STAM: variants seen among roughly 807,000 people sequenced by gnomAD.
STAM encodes signal transducing adapter molecule 1.
STAM carries 16 observed loss-of-function variants against 63.4 expected under a neutral mutation model. That is an observed-to-expected ratio of 0.25 (90% CI 0.17 to 0.38). The LOEUF is 0.38. STAM is among the 10% of genes least tolerant of loss of function. STAM has a pLI of 1.00. For missense variants in STAM, 636 were observed against 657.1 expected, an observed-to-expected ratio of 0.97 and a Z score of 0.35; for synonymous variants, 238 against 223.9, an observed-to-expected ratio of 1.06 and a Z score of -0.56.
At chr10:17,675,140 G>A (rs989203735) in intron 2 of STAM, among the ~76,000 whole-genome samples, 4 of 152,116 alleles carry the variant, frequency 2.6e-5, no homozygotes, top group East Asian at 3.9e-4. Context: ...CCTTTTCATC[G>A]CTTGGTTTTA....
chr10:17,691,627 C>A (rs1387552536), intron 5 of STAM, among the ~76,000 whole-genome samples: 1 of 152,142 alleles, frequency 6.6e-6, no homozygotes, highest in African/African-American at 2.4e-5. Context: ...TCCTTTCATA[C>A]CCTCAACAAA....
At chr10:17,658,289 C>T (rs1834023681) in intron 1 of STAM, among the ~76,000 whole-genome samples, 1 of 151,794 alleles carries the variant, frequency 6.6e-6, no homozygotes, top group South Asian at 2.1e-4. Context: ...TAGTTTATTC[C>T]ATTGTAATCA....
chr10:17,678,371 C>T (rs1439638686), intron 2 of STAM, among the ~76,000 whole-genome samples: 2 of 152,052 alleles, frequency 1.3e-5, no homozygotes, highest in African/African-American at 4.8e-5. Context: ...TCTCCTGCCT[C>T]AGCCTCCTGG....
chr10:17,651,921 T>C (rs1554821606), intron 1 of STAM, among the ~76,000 whole-genome samples: 2 of 152,204 alleles, frequency 1.3e-5, no homozygotes, highest in Admixed American at 1.3e-4. Context: ...GTGATAAATT[T>C]TGAGAAAAAT....
chr10:17,657,685 A>G (rs190450454), intron 1 of STAM, among the ~76,000 whole-genome samples: 221 of 152,282 alleles, frequency 1.5e-3, no homozygotes, highest in African/African-American at 5.1e-3. Flanking sequence ...TATGTATTTC[A>G]GCAGATTATG....
chr10:17,686,464 C>T (rs183550401), intron 4 of STAM, among the ~76,000 whole-genome samples: 1 of 151,432 alleles, frequency 6.6e-6, no homozygotes, highest in Non-Finnish European at 1.5e-5. Context: ...ATAGCCTCTG[C>T]CTCCCGGGTT....
chr10:17,656,494 C>T (rs1410750708), intron 1 of STAM, among the ~76,000 whole-genome samples: 3 of 152,036 alleles, frequency 2.0e-5, no homozygotes, highest in Non-Finnish European at 2.9e-5. Context: ...ATATTACTGT[C>T]TTTAGGTCTT....
chr10:17,684,410 T>G (rs1835210434), intron 2 of STAM, among the ~76,000 whole-genome samples: 1 of 152,062 alleles, frequency 6.6e-6, no homozygotes, highest in African/African-American at 2.4e-5. Context: ...GCCTACCATT[T>G]TATTTTCAAA....
rs149990053 is a variant in STAM, at chr10:17,665,766, G to A, written c.125+5218G>A. On this transcript the variant is annotated intron_variant, in intron 2 of 13. Coordinates refer to ENST00000377524, the MANE Select transcript of STAM (RefSeq NM_003473.4). ...TGTAATCCCTGTTTACTTCATTTAA[G>A]TTGTAGTTTCTTTTTAAATCTTGAA... 2.1e-3 allele frequency among the ~76,000 whole-genome samples: 314 copies of A among 150,930 alleles called. 2 individuals carry two copies. Among genetic ancestry groups the A allele is most frequent in the Middle Eastern group, 6.8e-3 (2 of 292 alleles).
At chr10:17,661,646 C>T (rs1403630080) in intron 2 of STAM, among the ~76,000 whole-genome samples, 1 of 152,172 alleles carries the variant, frequency 6.6e-6, no homozygotes, top group Non-Finnish European at 1.5e-5. Context: ...TTTTCCATTT[C>T]TATTAATGAC....
intron 2 of STAM, among the ~76,000 whole-genome samples, chr10:17,682,674 C>T (rs1174471429): frequency 2.0e-5 from 3 of 151,788 alleles, no homozygotes; most frequent in African/African-American, 7.3e-5. Context: ...GAATGTAGTC[C>T]ATTTTGTTGA....
chr10:17,706,605 T>C (rs1252641263), intron 12 of STAM, among the ~76,000 whole-genome samples: 3 of 152,040 alleles, frequency 2.0e-5, no homozygotes, highest in African/African-American at 2.4e-5. Flanking sequence ...GGCCTTGATC[T>C]CCTGACCTCG....
chr10:17,661,469 C>T (rs1157949467), intron 2 of STAM, among the ~76,000 whole-genome samples: 2 of 152,140 alleles, frequency 1.3e-5, no homozygotes, highest in Non-Finnish European at 2.9e-5. Context: ...TCACAACTTC[C>T]AGCTGTCTTT....
chr10:17,663,567 T>C (rs1834260630), intron 2 of STAM, among the ~76,000 whole-genome samples: 1 of 152,094 alleles, frequency 6.6e-6, no homozygotes, highest in East Asian at 1.9e-4. Context: ...TTTCTTCTTT[T>C]TTCTTCCCAC....
Position 17,715,270 on chromosome 10 carries a change from T to C in STAM, c.*490T>C, listed in dbSNP as rs1836767170. On this transcript the variant is annotated 3_prime_UTR_variant, in exon 14 of 14. Transcript: ENST00000377524. The stretch of plus-strand genomic sequence containing the variant: ...TTGTGTAAATTTAAGGTAATTATAC[T>C]ATCCTTTTAAACTTCAAGAAAACAA... The C allele has an allele frequency of 6.0e-6, 1 of 166,164 alleles. No homozygotes were observed. Among genetic ancestry groups the C allele is most frequent in the African/African-American group, 2.4e-5 (1 of 41,650 alleles). The allele number at this position is 166,164 out of a possible 1,614,324, so 10.3% of individuals were successfully genotyped here.
intron 13 of STAM, among the ~76,000 whole-genome samples, chr10:17,714,319 C>G (rs545305057): frequency 9.2e-5 from 14 of 152,174 alleles, no homozygotes; most frequent in African/African-American, 3.4e-4. Flanking sequence ...ACCACCCCCC[C>G]CAACTTTTTT....
intron 8 of STAM, among the ~76,000 whole-genome samples, chr10:17,699,926 T>A (rs948872975): frequency 6.6e-6 from 1 of 152,240 alleles, no homozygotes; most frequent in Non-Finnish European, 1.5e-5. Context: ...TAACCTTTTT[T>A]CAGAAATACA....
chr10:17,674,232 G>A (rs763900068), intron 2 of STAM, among the ~76,000 whole-genome samples: 9 of 152,278 alleles, frequency 5.9e-5, no homozygotes, highest in African/African-American at 7.2e-5. Context: ...CCTACCAGCC[G>A]TCAGCTTCCT....
intron 12 of STAM, among the ~76,000 whole-genome samples, chr10:17,706,625 C>G (rs550061934): frequency 2.0e-5 from 3 of 152,052 alleles, no homozygotes; most frequent in Admixed American, 2.0e-4. Context: ...GTGATCCACC[C>G]GCCTCGGCCT....
Sources: gnomAD v4.1 joint callset for allele counts (sites outside exome capture counted in the v4.1 genomes callset) on GRCh38, gnomAD v4.1.1 for gene constraint, MANE v1.5 for transcripts, NCBI Gene and HGNC (gene_info 2026-07-23, HGNC 2026-07-21) for gene names.